Variants in DNM3 observed in about 807,000 individuals in gnomAD.
DNM3 encodes the protein dynamin 3.
DNM3 carries 47 observed loss-of-function variants against 101.6 expected under a neutral mutation model. That is an observed-to-expected ratio of 0.46 (90% confidence interval 0.37 to 0.59). DNM3 has a LOEUF of 0.59. Ranked by LOEUF, DNM3 falls within the 20% of genes least tolerant of loss-of-function variation. The pLI is 0.00. For synonymous variants in DNM3, 385 were observed against 387.9 expected (o/e 0.99, Z 0.09); for missense variants, 849 against 1,085.7 (o/e 0.78, Z 3.06).
intron 15 of DNM3, among the ~76,000 whole-genome samples, chr1:172,297,151 A>AG (rs2064207467): frequency 6.6e-6 from 1 of 152,000 alleles, no homozygotes; most frequent in African/African-American, 2.4e-5. Context: ...TCAAAAAAAA[A>AG]AAAAAAAAAT....
chr1:172,158,339 T>G (rs1426170055), intron 14 of DNM3, among the ~76,000 whole-genome samples: 1 of 151,978 alleles, frequency 6.6e-6, no homozygotes, highest in Non-Finnish European at 1.5e-5. Flanking sequence ...ATCAGGAATG[T>G]ACCAGTGAAG....
chr1:171,971,217 G>T (rs1004353411), intron 2 of DNM3, among the ~76,000 whole-genome samples: 2 of 151,528 alleles, frequency 1.3e-5, no homozygotes, highest in Admixed American at 6.6e-5. Flanking sequence ...TTTCTCTTTG[G>T]TGCTTTTGTT....
At chr1:171,880,742 T>C (rs546744273) in intron 1 of DNM3, among the ~76,000 whole-genome samples, 4 of 152,264 alleles carry the variant, frequency 2.6e-5, no homozygotes, top group African/African-American at 9.6e-5. Context: ...AATATTTATA[T>C]TGATTACTGT....
intron 15 of DNM3, among the ~76,000 whole-genome samples, chr1:172,267,350 G>A (rs1479286143): frequency 1.3e-5 from 2 of 152,156 alleles, no homozygotes; most frequent in African/African-American, 4.8e-5. Flanking sequence ...CTAATATAAG[G>A]CATTCTTAAA....
At chr1:172,290,251 A>G (rs2063853463) in intron 15 of DNM3, among the ~76,000 whole-genome samples, 1 of 152,194 alleles carries the variant, frequency 6.6e-6, no homozygotes, top group African/African-American at 2.4e-5. Flanking sequence ...GATAATTGTT[A>G]TGATGAAAAC....
chr1:171,910,852 G>C (rs1207454949), intron 1 of DNM3, among the ~76,000 whole-genome samples: 1 of 152,012 alleles, frequency 6.6e-6, no homozygotes, highest in African/African-American at 2.4e-5. Flanking sequence ...TGGTACTTTT[G>C]GAAAAAACAG....
intron 17 of DNM3, among the ~76,000 whole-genome samples, chr1:172,367,056 G>C (rs1440855110): frequency 6.6e-6 from 1 of 151,730 alleles, no homozygotes; most frequent in East Asian, 1.9e-4. Flanking sequence ...TCACATTATA[G>C]TCAAAGTAAC....
intron 20 of DNM3, among the ~76,000 whole-genome samples, chr1:172,406,848 C>T (rs2149127699): frequency 6.6e-6 from 1 of 151,774 alleles, no homozygotes; most frequent in African/African-American, 2.4e-5. Flanking sequence ...CTGAAAAAAT[C>T]AGTTGCAGAG....
intron 1 of DNM3, among the ~76,000 whole-genome samples, chr1:171,884,776 A>G (rs1367564907): frequency 1.3e-5 from 2 of 152,212 alleles, no homozygotes; most frequent in Non-Finnish European, 2.9e-5. Flanking sequence ...TCAACAGAGC[A>G]TATCCTTTAA....
intron 15 of DNM3, among the ~76,000 whole-genome samples, chr1:172,279,462 T>G (rs2063406011): frequency 6.6e-6 from 1 of 152,148 alleles, no homozygotes; most frequent in African/African-American, 2.4e-5. Context: ...CTGAACACCT[T>G]AGTCACGAAT....
chr1:172,238,703 T>C (rs2061633565), intron 14 of DNM3, among the ~76,000 whole-genome samples: 1 of 151,876 alleles, frequency 6.6e-6, no homozygotes, highest in African/African-American at 2.4e-5. Context: ...GAGGGGAAGC[T>C]TTGTTGGGAT....
At chr1:172,015,747 A>G (rs899689768) in intron 4 of DNM3, among the ~76,000 whole-genome samples, 3 of 152,186 alleles carry the variant, frequency 2.0e-5, no homozygotes, top group Non-Finnish European at 4.4e-5. Context: ...TTTACAATCT[A>G]TAAAGAGTTA....
chr1:171,874,892 C>A (rs1023197099), intron 1 of DNM3, among the ~76,000 whole-genome samples: 5 of 151,688 alleles, frequency 3.3e-5, no homozygotes, highest in African/African-American at 1.2e-4. Flanking sequence ...CAATGTTTAG[C>A]TCCCACTTAT....
At chr1:172,127,187 A>C (rs2056674202) in intron 13 of DNM3, among the ~76,000 whole-genome samples, 1 of 152,004 alleles carries the variant, frequency 6.6e-6, no homozygotes, top group Non-Finnish European at 1.5e-5. Context: ...AAGATCAAAT[A>C]TAACCTTCCT....
At chr1:172,187,734 G>C (rs2059575180) in intron 14 of DNM3, among the ~76,000 whole-genome samples, 1 of 151,970 alleles carries the variant, frequency 6.6e-6, no homozygotes, top group Admixed American at 6.6e-5. Context: ...GGTTTGCATT[G>C]TTACAAATGT....
chr1:171,936,960 A>T (rs1056000545), intron 2 of DNM3, among the ~76,000 whole-genome samples: 6 of 59,862 alleles, frequency 1.0e-4, no homozygotes, highest in African/African-American at 3.2e-4. Context: ...ACTGAGCAAA[A>T]GGGAAGAGAT....
rs114202924 is a variant in DNM3 at position 171,881,687 on chromosome 1, T to C, written c.161+39870T>C. Reference sequence around the variant, plus strand: ...CAGACCTCTCGGTACAGTATAGATATGCAAATGCTAACACCCAGAGTGTCT... The same window carrying C: ...CAGACCTCTCGGTACAGTATAGATACGCAAATGCTAACACCCAGAGTGTCT... On this transcript the variant is annotated intron_variant, in intron 1 of 20. Coordinates refer to ENST00000627582, the MANE Select transcript of DNM3 (RefSeq NM_015569.5). 3.4e-3 allele frequency among the ~76,000 whole-genome samples: 511 copies of C among 152,308 alleles called. 6 individuals carry two copies. The highest frequency in any genetic ancestry group is 0.012 in the African/African-American group (486 of 41,568).
At chr1:172,126,473 T>G (rs2056623672) in intron 13 of DNM3, among the ~76,000 whole-genome samples, 1 of 152,230 alleles carries the variant, frequency 6.6e-6, no homozygotes. Flanking sequence ...CTGTTATTAG[T>G]AAAATTTTTA....
chr1:172,358,800 T>C (rs1422444710), intron 17 of DNM3, among the ~76,000 whole-genome samples: 2 of 152,068 alleles, frequency 1.3e-5, no homozygotes, highest in African/African-American at 4.8e-5. Context: ...TAATTCTTTT[T>C]ACTTAAGATA....
Sources: allele counts gnomAD v4.1 joint callset (sites outside exome capture counted in the v4.1 genomes callset), GRCh38; gene constraint gnomAD v4.1.1; transcripts MANE v1.5; gene names NCBI Gene and HGNC (gene_info 2026-07-23, HGNC 2026-07-21).